LRBA: variants seen among roughly 807,000 people sequenced by gnomAD.
The protein encoded by LRBA is LPS responsive beige-like anchor protein, also known as lipopolysaccharide-responsive and beige-like anchor protein.
Under a neutral mutation model 330.0 loss-of-function variants are expected in LRBA, and 176 were observed. The ratio of observed to expected loss-of-function variants is 0.53; its 90% CI spans 0.47 to 0.60. The LOEUF is 0.60. Among genes scored for constraint, LRBA ranks in the 20% least tolerant of loss-of-function variants. The pLI, the probability that LRBA is intolerant of heterozygous loss-of-function variation, is 0.00. For missense variants in LRBA, 3,259 were observed against 3,444.8 expected (o/e 0.95, Z 1.35); for synonymous variants, 1,230 against 1,193.0 (o/e 1.03, Z -0.64).
At chr4:150,808,290 T>A (rs1743095479) in intron 32 of LRBA, 30 bp downstream of exon 32, 3 of 1,426,552 alleles carry the variant, frequency 2.1e-6, no homozygotes, top group East Asian at 2.3e-5. Context: ...AAGGTATAAA[T>A]CACAATATTC....
At chr4:150,484,393 T>C (rs186683824) in intron 42 of LRBA, among the ~76,000 whole-genome samples, 1 of 152,116 alleles carries the variant, frequency 6.6e-6, no homozygotes, top group Non-Finnish European at 1.5e-5. Context: ...TGATAGCTTG[T>C]GCCTTTCAAG....
At chr4:150,735,839 G>A (rs1036093843) in intron 35 of LRBA, among the ~76,000 whole-genome samples, 17 of 152,286 alleles carry the variant, frequency 1.1e-4, no homozygotes, top group African/African-American at 3.9e-4. Flanking sequence ...TCAAGGTGGA[G>A]GAGTCCCGGT....
chr4:150,972,976 T>TAA, intron 2 of LRBA, among the ~76,000 whole-genome samples: 1 of 151,648 alleles, frequency 6.6e-6, no homozygotes, highest in East Asian at 1.9e-4. Flanking sequence ...AATTGTCCTT[T>TAA]AAAAAAAAAC....
intron 40 of LRBA, among the ~76,000 whole-genome samples, chr4:150,571,529 A>ATTTGTATTCTCCAT (rs1321366078): frequency 6.6e-6 from 1 of 151,958 alleles, no homozygotes; most frequent in Non-Finnish European, 1.5e-5. Flanking sequence ...TAGGTTTCAA[A>ATTTGTATTCTCCAT]TTTGTATTCT....
intron 37 of LRBA, among the ~76,000 whole-genome samples, chr4:150,662,079 G>T (rs566762636): frequency 1.3e-5 from 2 of 152,248 alleles, no homozygotes; most frequent in South Asian, 4.1e-4. Context: ...GTAACTACAA[G>T]AGCAAGTGTC....
At chr4:150,982,335 T>C (rs1221010327) in intron 2 of LRBA, among the ~76,000 whole-genome samples, 1 of 152,174 alleles carries the variant, frequency 6.6e-6, no homozygotes, top group African/African-American at 2.4e-5. Flanking sequence ...TTAAAATATG[T>C]AATGTTTTAA....
intron 40 of LRBA, among the ~76,000 whole-genome samples, chr4:150,535,885 T>C (rs17504868): frequency 0.21 from 32,615 of 152,062 alleles, 4,371 homozygotes; most frequent in Non-Finnish European, 0.31. Flanking sequence ...AACTTCGACA[T>C]GACTAATGGG....
intron 17 of LRBA, among the ~76,000 whole-genome samples, chr4:150,883,511 A>G (rs1728631979): frequency 6.6e-6 from 1 of 152,210 alleles, no homozygotes; most frequent in Non-Finnish European, 1.5e-5. Flanking sequence ...GTAATCATAA[A>G]CAGGTACTGA....
At chr4:150,452,479 G>A (rs946273842) in intron 44 of LRBA, among the ~76,000 whole-genome samples, 9 of 151,892 alleles carry the variant, frequency 5.9e-5, no homozygotes, top group South Asian at 2.1e-4. Flanking sequence ...AAAATTAGCC[G>A]CGTGCGGTGG....
At chr4:150,984,654 T>C (rs1453821752) in intron 2 of LRBA, among the ~76,000 whole-genome samples, 2 of 152,246 alleles carry the variant, frequency 1.3e-5, no homozygotes, top group African/African-American at 4.8e-5. Flanking sequence ...CTAACCTTTC[T>C]TCATGTGCTA....
Position 150,841,986 on chromosome 4 carries a change from T to C in LRBA, c.4569+2114A>G, listed in dbSNP as rs552555427. Among the ~76,000 whole-genome samples the C allele has an allele frequency of 2.2e-4, 33 of 152,256 alleles. 1 individual carries two copies. The South Asian group carries it at 6.2e-3, about 29-fold the overall frequency. ...TTTCCTTTTTCATCATAGGTTCCTT[T>C]TGTTCCCTAAAGAGACTAAACTCTA... On this transcript the variant is annotated intron_variant, in intron 28 of 56. Coordinates refer to ENST00000651943, the MANE Select transcript of LRBA (RefSeq NM_001364905.1).
intron 40 of LRBA, among the ~76,000 whole-genome samples, chr4:150,512,132 T>C (rs1165463168): frequency 6.6e-6 from 1 of 152,234 alleles, no homozygotes; most frequent in East Asian, 1.9e-4. Context: ...TTCCACTCCA[T>C]GTTTCTATAA....
At chr4:150,805,335 A>AG (rs1444158091) in intron 33 of LRBA, among the ~76,000 whole-genome samples, 3 of 129,042 alleles carry the variant, frequency 2.3e-5, no homozygotes, top group African/African-American at 3.3e-5. Context: ...AAAGGAAAGG[A>AG]AAGGAGAAGG....
At chr4:150,940,589 AC>A (rs1440091141) in intron 2 of LRBA, among the ~76,000 whole-genome samples, 2 of 152,150 alleles carry the variant, frequency 1.3e-5, no homozygotes, top group East Asian at 3.8e-4. Flanking sequence ...ACTTTTAAGT[AC>A]TTTTATATAT....
At chr4:150,820,205 A>G (rs574561954) in intron 30 of LRBA, among the ~76,000 whole-genome samples, 1 of 152,192 alleles carries the variant, frequency 6.6e-6, no homozygotes, top group African/African-American at 2.4e-5. Flanking sequence ...TCAGAAAGGT[A>G]AAGTAATAAC....
intron 37 of LRBA, among the ~76,000 whole-genome samples, chr4:150,615,682 G>A (rs999309860): frequency 3.3e-5 from 5 of 151,834 alleles, no homozygotes; most frequent in Admixed American, 6.6e-5. Context: ...TTTTATTCAG[G>A]GTGCCTATTA....
intron 34 of LRBA, among the ~76,000 whole-genome samples, chr4:150,787,796 C>T (rs1485770946): frequency 1.3e-5 from 2 of 152,168 alleles, no homozygotes; most frequent in African/African-American, 4.8e-5. Context: ...CTCCTCCATC[C>T]TCCCACTACC....
intron 2 of LRBA, among the ~76,000 whole-genome samples, chr4:150,960,149 A>G (rs183448627): frequency 6.7e-6 from 1 of 149,260 alleles, no homozygotes; most frequent in Non-Finnish European, 1.5e-5. Flanking sequence ...ATGAAAAAAT[A>G]TATATAATAT....
At chr4:150,775,946 AAAAG>A (rs1022821752) in intron 34 of LRBA, among the ~76,000 whole-genome samples, 3 of 152,180 alleles carry the variant, frequency 2.0e-5, no homozygotes, top group East Asian at 1.9e-4. Flanking sequence ...GGGGAGAAAA[AAAAG>A]AAAGAAAAAT....
Sources: gnomAD v4.1 joint callset for allele counts (sites outside exome capture counted in the v4.1 genomes callset) on GRCh38, gnomAD v4.1.1 for gene constraint, MANE v1.5 for transcripts, NCBI Gene and HGNC (gene_info 2026-07-23, HGNC 2026-07-21) for gene names.